Variants in HDGFL3 observed in about 807,000 individuals in gnomAD.
The protein encoded by HDGFL3 is hepatoma-derived growth factor-related protein 3.
A neutral mutation model predicts 27.6 loss-of-function variants in HDGFL3; 6 were observed. That is an observed-to-expected ratio of 0.22 (90% CI 0.12 to 0.43). The LOEUF (loss-of-function observed/expected upper bound fraction) is 0.43, where lower values mean the gene tolerates loss of function less well. Ranked by LOEUF, HDGFL3 falls within the 20% of genes least tolerant of loss-of-function variation. The pLI, the probability that HDGFL3 is intolerant of heterozygous loss-of-function variation, is 1.00. For synonymous variants in HDGFL3, 88 were observed against 88.9 expected, an observed-to-expected ratio of 0.99 and a Z score of 0.05; for missense variants, 207 against 250.1, an observed-to-expected ratio of 0.83 and a Z score of 1.16.
At chr15:83,184,399 C>T (rs1303404703) in intron 1 of HDGFL3, among the ~76,000 whole-genome samples, 1 of 152,158 alleles carries the variant, frequency 6.6e-6, no homozygotes, top group East Asian at 1.9e-4. Context: ...GCTTTTTATG[C>T]TTGTTTTCTC....
At chr15:83,179,105 A>T (rs1020143499) in intron 1 of HDGFL3, 6 of 152,248 alleles carry the variant, frequency 3.9e-5, no homozygotes, top group African/African-American at 1.4e-4. Flanking sequence ...CAAATAAGCC[A>T]ATCACATTCT....
downstream of HDGFL3, among the ~76,000 whole-genome samples, chr15:83,124,279 TG>T: frequency 6.6e-6 from 1 of 152,292 alleles, no homozygotes; most frequent in East Asian, 1.9e-4. Context: ...TAGATATATG[TG>T]TGTGTATATA....
intron 2 of HDGFL3, among the ~76,000 whole-genome samples, chr15:83,159,013 G>A (rs1204162933): frequency 1.3e-5 from 2 of 151,988 alleles, no homozygotes; most frequent in Non-Finnish European, 2.9e-5. Flanking sequence ...GACTAATTTT[G>A]TATTTTTAGT....
chr15:83,179,575 C>CTTT (rs2037354500), intron 1 of HDGFL3, among the ~76,000 whole-genome samples: 5 of 152,210 alleles, frequency 3.3e-5, no homozygotes, highest in African/African-American at 1.2e-4. Flanking sequence ...ATAGGCAAAG[C>CTTT]CTCTTCTCTC....
At chr15:83,193,049 A>G (rs1405965205) in intron 1 of HDGFL3, among the ~76,000 whole-genome samples, 2 of 152,200 alleles carry the variant, frequency 1.3e-5, no homozygotes, top group East Asian at 1.9e-4. Context: ...ATGGACTTCC[A>G]TAAAAACTCA....
chr15:83,112,947 A>G (rs1596471028), exon 4 of HDGFL3: 2 of 1,431,854 alleles, frequency 1.4e-6, no homozygotes, highest in East Asian at 4.5e-5. Flanking sequence ...TAATAACACA[A>G]TACTTTCAGC....
intron 2 of HDGFL3, among the ~76,000 whole-genome samples, chr15:83,160,064 T>G (rs1047696065): frequency 2.0e-5 from 3 of 152,218 alleles, no homozygotes; most frequent in African/African-American, 7.2e-5. Context: ...AACCAGGGTG[T>G]AAGCAGTACT....
intron 1 of HDGFL3, among the ~76,000 whole-genome samples, chr15:83,194,179 A>C (rs1384680905): frequency 6.6e-6 from 1 of 152,260 alleles, no homozygotes; most frequent in African/African-American, 2.4e-5. Context: ...GGTATCCATC[A>C]GTGGATGAAT....
chr15:83,182,011 T>C (rs1400047406), intron 1 of HDGFL3, among the ~76,000 whole-genome samples: 3 of 152,252 alleles, frequency 2.0e-5, no homozygotes, highest in Non-Finnish European at 4.4e-5. Flanking sequence ...TTTGGTAATG[T>C]GATAAATGCA....
intron 1 of HDGFL3, among the ~76,000 whole-genome samples, chr15:83,176,161 A>G (rs997220957): frequency 1.3e-5 from 2 of 152,206 alleles, no homozygotes; most frequent in Non-Finnish European, 2.9e-5. Context: ...TTTCACTTGT[A>G]TATGAAGTTG....
At chr15:83,162,900 A>T (rs1198003767) in intron 2 of HDGFL3, among the ~76,000 whole-genome samples, 1 of 152,214 alleles carries the variant, frequency 6.6e-6, no homozygotes, top group East Asian at 1.9e-4. Context: ...TGTTGTAAAT[A>T]ACCATATCCG....
intron 5 of HDGFL3, 46 bp from the exon 6 acceptor site, chr15:83,139,321 A>C: frequency 7.8e-6 from 10 of 1,273,902 alleles, no homozygotes; most frequent in Non-Finnish European, 1.1e-5. Context: ...TAGATGATTT[A>C]GGATACTAAC....
rs991008232 is a variant in HDGFL3, at chr15:83,135,530, A to G, written c.*3740T>C. Reference sequence around the variant, plus strand: ...ATATGAAAATGCAGACTCCAGGGGTACATTTTGTAATGATACAAGCCTTCT... The same window carrying G: ...ATATGAAAATGCAGACTCCAGGGGTGCATTTTGTAATGATACAAGCCTTCT... On this transcript the variant is annotated 3_prime_UTR_variant, in exon 6 of 6. Coordinates refer to ENST00000299633, the MANE Select transcript of HDGFL3 (RefSeq NM_016073.4). 1 of 152,218 alleles carries G rather than the reference A, an allele frequency of 6.6e-6. No individual in the cohort carries two copies. Among genetic ancestry groups the G allele is most frequent in the African/African-American group, 2.4e-5 (1 of 41,456 alleles). The allele number at this position is 152,218 out of a possible 1,614,324, so 9.4% of individuals were successfully genotyped here. A position where few individuals can be genotyped will look rare whatever the true frequency, so the allele number is the denominator to read the frequency against.
chr15:83,201,782 G>A (rs758313170), intron 1 of HDGFL3, among the ~76,000 whole-genome samples: 9 of 152,114 alleles, frequency 5.9e-5, no homozygotes, highest in Non-Finnish European at 1.2e-4. Context: ...CGGGAGCATC[G>A]GAAAATGAAC....
chr15:83,126,100 G>A (rs1439895364), downstream of HDGFL3, among the ~76,000 whole-genome samples: 2 of 152,178 alleles, frequency 1.3e-5, no homozygotes, highest in African/African-American at 4.8e-5. Flanking sequence ...GTGCATGCAA[G>A]GTGGGTAGGG....
intron 2 of HDGFL3, 128 bp downstream of exon 2, chr15:83,163,871 T>G (rs920949740): frequency 1.6e-4 from 105 of 653,306 alleles, no homozygotes; most frequent in Non-Finnish European, 2.7e-4. Context: ...AATACATTAT[T>G]AACTTTGGCA....
chr15:83,113,270 G>A (rs1346241365), exon 4 of HDGFL3: 1 of 311,060 alleles, frequency 3.2e-6, no homozygotes, highest in Non-Finnish European at 6.2e-6. Context: ...TAACTGTGTG[G>A]TGTCTGGGTC....
In HDGFL3 at chr15:83,133,990, T is replaced by C. The variant is rs2151386563; in HGVS notation, c.*5280A>G. 1 of 152,318 alleles carries C rather than the reference T, an allele frequency of 6.6e-6. No homozygotes were observed. The highest frequency in any genetic ancestry group is 2.4e-5 in the African/African-American group (1 of 41,554). The allele number at this position is 152,318 out of a possible 1,614,324, so 9.4% of individuals were successfully genotyped here. ...TCTTCTCTCACATACAAATGCCTCT[T>C]TTGATTATGAATGTTAAAATTTTTG... On this transcript the variant is annotated 3_prime_UTR_variant, in exon 6 of 6. Coordinates refer to ENST00000299633, the MANE Select transcript of HDGFL3 (RefSeq NM_016073.4).
chr15:83,167,070 C>G (rs906715092), intron 1 of HDGFL3, among the ~76,000 whole-genome samples: 1 of 152,192 alleles, frequency 6.6e-6, no homozygotes, highest in Non-Finnish European at 1.5e-5. Context: ...TTAAAAGGCA[C>G]AGAGTGGCAG....
Sources: gnomAD v4.1 joint callset for allele counts (sites outside exome capture counted in the v4.1 genomes callset) on GRCh38, gnomAD v4.1.1 for gene constraint, MANE v1.5 for transcripts, NCBI Gene and HGNC (gene_info 2026-07-23, HGNC 2026-07-21) for gene names.